EFR3B: variants seen among roughly 807,000 people sequenced by gnomAD.
The protein encoded by EFR3B is protein EFR3 homolog B.
A neutral mutation model predicts 104.7 loss-of-function variants in EFR3B; 64 were observed. That is an observed-to-expected ratio of 0.61 (90% CI 0.50 to 0.75). The LOEUF is 0.75. Among genes scored for constraint, EFR3B ranks in the 30% least tolerant of loss-of-function variants. The probability of loss-of-function intolerance (pLI) is 0.00; values close to 1 mark genes in which losing one functional copy is unlikely to be tolerated. For missense variants in EFR3B, 750 were observed against 1,078.5 expected, an observed-to-expected ratio of 0.70 and a Z score of 4.27; for synonymous variants, 385 against 417.9, an observed-to-expected ratio of 0.92 and a Z score of 0.96.
At position 25,093,081 on chromosome 2, in the gene EFR3B, G is replaced by A. The variant is rs772911555; in HGVS notation, c.163G>A (p.Ala55Thr). 65 of 1,551,442 alleles carry A rather than the reference G, an allele frequency of 4.2e-5. 1 individual carries two copies. Among genetic ancestry groups the A allele is most frequent in the Middle Eastern group, 1.7e-4 (1 of 6,018 alleles). ...SAPEKLDRIG[A>T]YLSERLIRDV... ...TCCAGAAAAACTTGATCGTATTGGC[G>A]CCTACCTCTCTGAGAGGCTCATCCG... Residue 55 changes from alanine (A) to threonine (T), a missense_variant, in exon 3 of 23, where the codon GCC becomes ACC. Physicochemically the swap from Ala to Thr is moderately conservative, Grantham distance 58. Coordinates refer to ENST00000403714, the MANE Select transcript of EFR3B (RefSeq NM_014971.2).
chr2:25,142,780 TA>T (rs1670708456), intron 17 of EFR3B, among the ~76,000 whole-genome samples: 1 of 149,498 alleles, frequency 6.7e-6, no homozygotes, highest in Admixed American at 6.7e-5. Context: ...TAATAATAAA[TA>T]AATAAATAAA....
intron 3 of EFR3B, among the ~76,000 whole-genome samples, chr2:25,099,826 C>T (rs931712204): frequency 4.0e-5 from 6 of 150,822 alleles, no homozygotes; most frequent in African/African-American, 1.5e-4. Context: ...TGAAATTGTC[C>T]TATAGTCATC....
At position 25,107,643 on chromosome 2, in the gene EFR3B, C is replaced by A. The variant is rs369878338; in HGVS notation, c.363+3856C>A. ...TATTCTTTCTTTCTTCTCTCCCTCT[C>A]CATATCCCTCCCTTGCTTCCCTCAT... On this transcript the variant is annotated intron_variant, in intron 4 of 22. Transcript: ENST00000403714. Among the ~76,000 whole-genome samples the A allele has an allele frequency of 3.2e-4, 48 of 152,198 alleles. 2 individuals carry two copies. In the South Asian group the frequency reaches 8.1e-3, roughly 26 times the overall value.
chr2:25,144,104 G>C (rs1236865048), intron 18 of EFR3B, among the ~76,000 whole-genome samples: 1 of 152,220 alleles, frequency 6.6e-6, no homozygotes, highest in Non-Finnish European at 1.5e-5. Flanking sequence ...GATGGGAGAG[G>C]TTCCATTGTG....
Position 25,135,610 on chromosome 2 carries a change from T to G in EFR3B, c.1455T>G (p.His485Gln), listed in dbSNP as rs1448841448. The G allele has an allele frequency of 1.5e-5, 24 of 1,550,662 alleles. No individual in the cohort carries two copies. Among genetic ancestry groups the G allele is most frequent in the Non-Finnish European group, 2.0e-5 (23 of 1,146,022 alleles). Reference protein sequence around the residue: ...LEILISFIDRHGNRHKFSTIS... With the variant: ...LEILISFIDRQGNRHKFSTIS... ...TTCTCATCAGTTTCATTGATCGTCA[T>G]GGCAACCGCCACAAGTTCTCTACCA... Residue 485 changes from histidine (H) to glutamine (Q), a missense_variant, in exon 13 of 23, where the codon CAT (histidine) becomes CAG (glutamine). His to Gln is a conservative substitution (Grantham distance 24, BLOSUM62 0). Coordinates refer to ENST00000403714, the MANE Select transcript of EFR3B (RefSeq NM_014971.2).
chr2:25,092,980 G>A (rs962202993), intron 2 of EFR3B, 23 bp from the exon 3 acceptor site: 6 of 1,540,646 alleles, frequency 3.9e-6, no homozygotes, highest in African/African-American at 1.4e-5. Flanking sequence ...GCCATAGTGA[G>A]CACAAGCTGT....
At chr2:25,121,550 C>G in intron 4 of EFR3B, 123 bp from the exon 5 acceptor site, 1 of 1,278,012 alleles carries the variant, frequency 7.8e-7, no homozygotes, top group South Asian at 1.4e-5. Context: ...CAAGGCCGGC[C>G]AAGCTGGCTC....
intron 3 of EFR3B, among the ~76,000 whole-genome samples, chr2:25,100,540 C>T (rs528156366): frequency 5.9e-5 from 9 of 152,138 alleles, no homozygotes; most frequent in South Asian, 2.1e-4. Flanking sequence ...TTGCCCAGGC[C>T]GGAGTGCAGT....
At chr2:25,072,437 C>T (rs1668524343) in intron 1 of EFR3B, among the ~76,000 whole-genome samples, 1 of 152,154 alleles carries the variant, frequency 6.6e-6, no homozygotes. Context: ...CATGCTACCA[C>T]ACTGGGCTAA....
intron 1 of EFR3B, among the ~76,000 whole-genome samples, chr2:25,070,932 A>T (rs1483909376): frequency 6.6e-6 from 1 of 152,242 alleles, no homozygotes; most frequent in East Asian, 1.9e-4. Context: ...TTGTTGCTTA[A>T]TACACCACAG....
chr2:25,124,277 A>AGTGTGT (rs5829961), intron 5 of EFR3B, among the ~76,000 whole-genome samples: 3,078 of 124,728 alleles, frequency 0.025, 106 homozygotes, highest in Non-Finnish European at 0.036. Flanking sequence ...TGTGCATGCA[A>AGTGTGT]GTGTGTGTGT....
intron 5 of EFR3B, among the ~76,000 whole-genome samples, chr2:25,123,709 CTG>C (rs1670083228): frequency 6.6e-6 from 1 of 152,272 alleles, no homozygotes; most frequent in African/African-American, 2.4e-5. Context: ...CCACATATGT[CTG>C]TAACACATGC....
chr2:25,074,822 C>T (rs570304883), intron 1 of EFR3B, among the ~76,000 whole-genome samples: 5 of 152,012 alleles, frequency 3.3e-5, no homozygotes, highest in Admixed American at 2.0e-4. Context: ...TTACCATGTT[C>T]GCCAGACTGG....
chr2:25,148,456 C>T lies in EFR3B; in HGVS notation c.2143-1238C>T, dbSNP rs1394960903. ...TTTTAGTAGAGATGGGGTTTCACCA[C>T]GTTGACCAGGCCGGTCTCGAACTCC... On this transcript the variant is annotated intron_variant, in intron 19 of 22. Transcript: ENST00000403714. Among the ~76,000 whole-genome samples, 4 of 151,476 alleles carry T rather than the reference C, an allele frequency of 2.6e-5. No individual in the cohort carries two copies. The East Asian group carries it at 5.9e-4, about 23-fold the overall frequency.
At chr2:25,135,268 T>A (rs1670488018) in intron 12 of EFR3B, among the ~76,000 whole-genome samples, 199 bp from the exon 13 acceptor site, 1 of 152,184 alleles carries the variant, frequency 6.6e-6, no homozygotes, top group Non-Finnish European at 1.5e-5. Flanking sequence ...TTCACATGTC[T>A]ACTGAGCTCG....
intron 1 of EFR3B, among the ~76,000 whole-genome samples, chr2:25,067,624 G>A (rs918035274): frequency 1.3e-5 from 2 of 151,724 alleles, no homozygotes; most frequent in Non-Finnish European, 2.9e-5. Context: ...TAGTAGAGAC[G>A]GGGTTCACCG....
chr2:25,068,262 C>T (rs1573177353), intron 1 of EFR3B, among the ~76,000 whole-genome samples: 1 of 152,118 alleles, frequency 6.6e-6, no homozygotes, highest in African/African-American at 2.4e-5. Flanking sequence ...AGCCGACAGT[C>T]GTGTCCTACT....
intron 1 of EFR3B, among the ~76,000 whole-genome samples, chr2:25,059,019 T>C (rs1393433013): frequency 6.6e-6 from 1 of 152,102 alleles, no homozygotes; most frequent in African/African-American, 2.4e-5. Flanking sequence ...TTATTCACAA[T>C]GGCCTAACCA....
chr2:25,053,389 G>A (rs1214192581), intron 1 of EFR3B, among the ~76,000 whole-genome samples: 2 of 152,146 alleles, frequency 1.3e-5, no homozygotes, highest in Non-Finnish European at 2.9e-5. Context: ...TACAAGCACC[G>A]ACAATGGCCT....
Sources: gnomAD v4.1 joint callset for allele counts (sites outside exome capture counted in the v4.1 genomes callset) on GRCh38, gnomAD v4.1.1 for gene constraint, MANE v1.5 for transcripts, NCBI Gene and HGNC (gene_info 2026-07-23, HGNC 2026-07-21) for gene names.